UBTD1: variants seen among roughly 807,000 people sequenced by gnomAD.
UBTD1 encodes the protein ubiquitin domain containing 1, also known as ubiquitin domain-containing protein 1.
Under a neutral mutation model 21.7 loss-of-function variants are expected in UBTD1, and 19 were observed. The observed-to-expected ratio is 0.87, with a 90% confidence interval of 0.61 to 1.28. The LOEUF (loss-of-function observed/expected upper bound fraction) is 1.28, where lower values mean the gene tolerates loss of function less well. Ranked by LOEUF, UBTD1 falls within the 50% of genes most tolerant of loss-of-function variation. The pLI, the probability that UBTD1 is intolerant of heterozygous loss-of-function variation, is 0.00. For missense variants in UBTD1, 282 were observed against 315.1 expected (o/e 0.89, Z 0.80); for synonymous variants, 116 against 135.1 (o/e 0.86, Z 0.98).
intron 1 of UBTD1, among the ~76,000 whole-genome samples, chr10:97,523,691 G>A (rs763374005): frequency 1.8e-4 from 27 of 152,252 alleles, no homozygotes; most frequent in Non-Finnish European, 3.2e-4. Context: ...GGCACCTGGG[G>A]GCTGGGGATG....
At chr10:97,509,454 A>G (rs963908826) in intron 1 of UBTD1, among the ~76,000 whole-genome samples, 1 of 152,180 alleles carries the variant, frequency 6.6e-6, no homozygotes, top group Non-Finnish European at 1.5e-5. Context: ...AGCACAGCGG[A>G]TGCTTAGATG....
At chr10:97,524,127 C>A (rs1056495183) in intron 1 of UBTD1, among the ~76,000 whole-genome samples, 1 of 152,172 alleles carries the variant, frequency 6.6e-6, no homozygotes, top group African/African-American at 2.4e-5. Flanking sequence ...GGGTTCCTCG[C>A]TCTGTCACCC....
intron 1 of UBTD1, among the ~76,000 whole-genome samples, chr10:97,504,114 A>G (rs1010833219): frequency 6.6e-6 from 1 of 151,930 alleles, no homozygotes; most frequent in African/African-American, 2.4e-5. Context: ...ACATCCATTT[A>G]ATCAATAAAT....
chr10:97,563,031 G>C (rs2135687755), intron 1 of UBTD1, among the ~76,000 whole-genome samples: 1 of 152,170 alleles, frequency 6.6e-6, no homozygotes, highest in South Asian at 2.1e-4. Context: ...AAAGATTTGG[G>C]GGTAAAGGGT....
At chr10:97,561,703 C>T (rs556078075) in intron 1 of UBTD1, among the ~76,000 whole-genome samples, 10 of 151,888 alleles carry the variant, frequency 6.6e-5, no homozygotes, top group Admixed American at 4.6e-4. Context: ...GGGCCTGGCG[C>T]CGGGCTGCCT....
chr10:97,528,855 G>T (rs1434765269), intron 1 of UBTD1, among the ~76,000 whole-genome samples: 1 of 140,990 alleles, frequency 7.1e-6, no homozygotes, highest in Non-Finnish European at 1.6e-5. Context: ...CCGGGCAGAG[G>T]CGCCCCTCAC....
At chr10:97,504,018 C>T (rs1323515107) in intron 1 of UBTD1, among the ~76,000 whole-genome samples, 1 of 152,106 alleles carries the variant, frequency 6.6e-6, no homozygotes, top group Non-Finnish European at 1.5e-5. Context: ...TCTTTCCCAT[C>T]CCAGTTCATG....
At chr10:97,503,454 C>A (rs2040386103) in intron 1 of UBTD1, among the ~76,000 whole-genome samples, 1 of 152,204 alleles carries the variant, frequency 6.6e-6, no homozygotes, top group African/African-American at 2.4e-5. Flanking sequence ...GTAGAACAGG[C>A]AAGTCTCTTG....
chr10:97,521,829 G>T (rs868120365), intron 1 of UBTD1, among the ~76,000 whole-genome samples: 2 of 152,238 alleles, frequency 1.3e-5, no homozygotes, highest in African/African-American at 4.8e-5. Context: ...ACTAGAATGG[G>T]CTTCAGGGAT....
At chr10:97,532,824 C>T (rs1430162026) in intron 1 of UBTD1, among the ~76,000 whole-genome samples, 1 of 127,824 alleles carries the variant, frequency 7.8e-6, no homozygotes, top group Non-Finnish European at 1.8e-5. Flanking sequence ...GAAAGAAAGC[C>T]TTGTTGGTCT....
chr10:97,507,867 A>G (rs1003413069), intron 1 of UBTD1, among the ~76,000 whole-genome samples: 14 of 150,038 alleles, frequency 9.3e-5, no homozygotes, highest in Admixed American at 8.0e-4. Context: ...GACTGAAGGG[A>G]CAGGGATGAC....
intron 1 of UBTD1, among the ~76,000 whole-genome samples, chr10:97,533,976 CAGGT>C (rs1334064678): frequency 6.6e-6 from 1 of 151,874 alleles, no homozygotes; most frequent in Non-Finnish European, 1.5e-5. Flanking sequence ...TTGGGAGGGG[CAGGT>C]GATGTGGGCC....
intron 1 of UBTD1, among the ~76,000 whole-genome samples, chr10:97,519,100 C>T (rs1223516639): frequency 6.6e-6 from 1 of 152,234 alleles, no homozygotes; most frequent in Non-Finnish European, 1.5e-5. Flanking sequence ...CAGGCATCTC[C>T]GGAGCCCACT....
chr10:97,508,184 TGCCTAAGGTCACACA>T (rs1382134235), intron 1 of UBTD1, among the ~76,000 whole-genome samples: 1 of 152,254 alleles, frequency 6.6e-6, no homozygotes, highest in African/African-American at 2.4e-5. Context: ...TAATGTCTGC[TGCCTAAGGTCACACA>T]GCTTGTAAAC....
chr10:97,552,245 A>G (rs2040641586), intron 1 of UBTD1, among the ~76,000 whole-genome samples: 1 of 151,998 alleles, frequency 6.6e-6, no homozygotes, highest in African/African-American at 2.4e-5. Context: ...ATGGTGGTAC[A>G]TGCCTATAAT....
At chr10:97,512,324 G>C (rs1224212776) in intron 1 of UBTD1, among the ~76,000 whole-genome samples, 1 of 152,146 alleles carries the variant, frequency 6.6e-6, no homozygotes, top group African/African-American at 2.4e-5. Flanking sequence ...TTACACCCCA[G>C]GCTGACTCCT....
intron 1 of UBTD1, among the ~76,000 whole-genome samples, chr10:97,539,250 A>T (rs2040576722): frequency 6.6e-6 from 1 of 152,184 alleles, no homozygotes. Flanking sequence ...GAACAGCTCC[A>T]CTTTACCGGC....
intron 1 of UBTD1, among the ~76,000 whole-genome samples, chr10:97,524,050 G>T (rs563174720): frequency 6.6e-6 from 1 of 152,284 alleles, no homozygotes; most frequent in Non-Finnish European, 1.5e-5. Context: ...GCAGGACTTG[G>T]CTTTTAAACC....
intron 1 of UBTD1, among the ~76,000 whole-genome samples, chr10:97,563,675 A>C (rs994633969): frequency 6.6e-6 from 1 of 152,192 alleles, no homozygotes; most frequent in African/African-American, 2.4e-5. Flanking sequence ...GATATCTGCT[A>C]TGATAGTTTG....
Sources: allele counts gnomAD v4.1 joint callset (sites outside exome capture counted in the v4.1 genomes callset), GRCh38; gene constraint gnomAD v4.1.1; transcripts MANE v1.5; gene names NCBI Gene and HGNC (gene_info 2026-07-23, HGNC 2026-07-21).